SCARA5: variants seen among roughly 807,000 people sequenced by gnomAD.
SCARA5 encodes the protein scavenger receptor class A, member 5 (putative).
In SCARA5, 45 loss-of-function variants were observed where a neutral mutation model predicts 46.3. That is an observed-to-expected ratio of 0.97 (90% CI 0.76 to 1.24). The LOEUF is 1.24. Among genes scored for constraint, SCARA5 ranks in the 50% most tolerant of loss-of-function variants. The pLI is 0.00. For missense variants in SCARA5, 680 were observed against 689.0 expected, an observed-to-expected ratio of 0.99 and a Z score of 0.15; for synonymous variants, 333 against 306.5, an observed-to-expected ratio of 1.09 and a Z score of -0.90.
chr8:27,935,774 C>A (rs1051955263), intron 3 of SCARA5, among the ~76,000 whole-genome samples: 1 of 152,042 alleles, frequency 6.6e-6, no homozygotes, highest in Non-Finnish European at 1.5e-5. Context: ...AGGGGGAGAG[C>A]AGGGTAAGTG....
chr8:27,942,903 G>T (rs1180875413), intron 3 of SCARA5, among the ~76,000 whole-genome samples: 1 of 152,172 alleles, frequency 6.6e-6, no homozygotes, highest in East Asian at 1.9e-4. Flanking sequence ...CATCTCCTCT[G>T]CATCATTTAG....
At chr8:27,907,378 T>C in intron 5 of SCARA5, 132 bp from the exon 6 acceptor site, 1 of 590,306 alleles carries the variant, frequency 1.7e-6, no homozygotes, top group Non-Finnish European at 2.9e-6. Context: ...CTTTTTTCTG[T>C]TAATCTAAAG....
At chr8:27,882,815 A>G (rs1273131336) in intron 7 of SCARA5, among the ~76,000 whole-genome samples, 8 of 152,246 alleles carry the variant, frequency 5.3e-5, no homozygotes, top group Non-Finnish European at 1.2e-4. Context: ...TTTCACAGAC[A>G]TATAAATGTG....
At position 27,943,657 on chromosome 8, in the gene SCARA5, C is replaced by T. The variant is rs73668282; in HGVS notation, c.242-21412G>A. On this transcript the variant is annotated intron_variant, in intron 3 of 8. Transcript: ENST00000354914. ...CATTGACTACGGAGTTAGGAAAAGA[C>T]GCACGTAATCAGAGCTGACCAGCAC... Among the ~76,000 whole-genome samples the T allele has an allele frequency of 5.1e-3, 784 of 152,264 alleles. 8 individuals are homozygous for T. Among genetic ancestry groups the T allele is most frequent in the African/African-American group, 0.018 (751 of 41,556 alleles).
intron 3 of SCARA5, among the ~76,000 whole-genome samples, chr8:27,938,352 T>TA: frequency 6.8e-5 from 1 of 14,680 alleles, no homozygotes; most frequent in Middle Eastern, 0.12. Context: ...ATTGTAACTA[T>TA]AATAAAAAAA....
intron 3 of SCARA5, among the ~76,000 whole-genome samples, chr8:27,922,944 C>G (rs1040115496): frequency 6.6e-6 from 1 of 152,234 alleles, no homozygotes; most frequent in Admixed American, 6.5e-5. Flanking sequence ...CCTCACCAGA[C>G]ATGAATCTGC....
intron 1 of SCARA5, among the ~76,000 whole-genome samples, chr8:27,988,004 G>A (rs1808730596): frequency 6.6e-6 from 1 of 152,204 alleles, no homozygotes; most frequent in Non-Finnish European, 1.5e-5. Flanking sequence ...GGTAACCTGA[G>A]AGCAGGCTCT....
chr8:27,871,414 CAAAT>C lies in SCARA5; in HGVS notation c.*516_*519del. 2 of 987,668 alleles carry C rather than the reference CAAAT, an allele frequency of 2.0e-6. No homozygotes were observed. Among genetic ancestry groups the C allele is most frequent in the Non-Finnish European group, 2.4e-6 (2 of 831,290 alleles). 61.2% of individuals were successfully genotyped at this position (987,668 alleles called of 1,614,324 possible). On this transcript the variant is annotated 3_prime_UTR_variant, in exon 9 of 9. Transcript: ENST00000354914. Reference sequence around the variant, plus strand: ...CCTCTATGTCACTTCCTCAAACTAGCAAATGGGGAGCAGAGGCAGAGTAAAGGGG... The same window carrying C: ...CCTCTATGTCACTTCCTCAAACTAGCGGGGAGCAGAGGCAGAGTAAAGGGG...
chr8:27,970,492 G>C (rs555066832), intron 2 of SCARA5, among the ~76,000 whole-genome samples: 1 of 152,106 alleles, frequency 6.6e-6, no homozygotes, highest in African/African-American at 2.4e-5. Flanking sequence ...CCCAGAAGTT[G>C]CCACCCTTTT....
At chr8:27,956,344 G>A (rs1808207602) in intron 3 of SCARA5, among the ~76,000 whole-genome samples, 1 of 152,148 alleles carries the variant, frequency 6.6e-6, no homozygotes, top group Non-Finnish European at 1.5e-5. Context: ...CAAGGCCTGA[G>A]ATTTACAAGT....
At chr8:27,906,507 G>C (rs1159325047) in intron 6 of SCARA5, among the ~76,000 whole-genome samples, 2 of 152,236 alleles carry the variant, frequency 1.3e-5, no homozygotes, top group Non-Finnish European at 2.9e-5. Flanking sequence ...GAGGAGGGCT[G>C]TCCTGGGCCT....
At chr8:27,907,606 G>A (rs950545759) in intron 5 of SCARA5, among the ~76,000 whole-genome samples, 26 of 100,422 alleles carry the variant, frequency 2.6e-4, no homozygotes, top group African/African-American at 9.7e-4. Flanking sequence ...ACAAAGTCTC[G>A]CTCTGTCACC....
chr8:27,946,782 G>A (rs1808044055), intron 3 of SCARA5, among the ~76,000 whole-genome samples: 3 of 152,202 alleles, frequency 2.0e-5, no homozygotes, highest in South Asian at 2.1e-4. Context: ...ATCCCAGTGA[G>A]TGGAATGCCC....
intron 7 of SCARA5, among the ~76,000 whole-genome samples, chr8:27,881,050 T>A (rs1444493037): frequency 6.6e-6 from 1 of 152,086 alleles, no homozygotes; most frequent in East Asian, 1.9e-4. Flanking sequence ...AAACAACAGA[T>A]GCTGATAAGC....
intron 7 of SCARA5, among the ~76,000 whole-genome samples, chr8:27,884,499 G>A (rs1806862506): frequency 6.6e-6 from 1 of 152,266 alleles, no homozygotes; most frequent in Non-Finnish European, 1.5e-5. Context: ...TGCACCAGGA[G>A]GCCTGCAACA....
At position 27,884,223 on chromosome 8, in the gene SCARA5, G is replaced by A. The variant is rs535942794; in HGVS notation, c.1154-4457C>T. On this transcript the variant is annotated intron_variant, in intron 7 of 8. Transcript: ENST00000354914. The stretch of plus-strand genomic sequence containing the variant: ...GGTGACCGTTCTCCCCACACAGACT[G>A]CAAATACAAACTCATTCAGGCTGTC... 3.9e-5 allele frequency among the ~76,000 whole-genome samples: 6 copies of A among 152,326 alleles called. No homozygotes were observed. The East Asian group carries it at 1.2e-3, about 29-fold the overall frequency.
At chr8:27,933,305 T>C (rs1807806245) in intron 3 of SCARA5, among the ~76,000 whole-genome samples, 1 of 151,838 alleles carries the variant, frequency 6.6e-6, no homozygotes, top group Admixed American at 6.6e-5. Flanking sequence ...GTGAACCACC[T>C]AAGGTCAGGA....
In SCARA5 at chr8:27,983,325, T is replaced by C. The variant is rs140715617; in HGVS notation, c.112+4179A>G. 1.2e-3 allele frequency among the ~76,000 whole-genome samples: 188 copies of C among 152,358 alleles called. 1 individual carries two copies. The highest frequency in any genetic ancestry group is 4.4e-3 in the African/African-American group (185 of 41,580). On this transcript the variant is annotated intron_variant, in intron 2 of 8. Coordinates refer to ENST00000354914, the MANE Select transcript of SCARA5 (RefSeq NM_173833.6). ...GGGGCACTCACGCTTGCTGGCTGGGTGAGTGTCTGTTGGGGGTGCCAGCAG... is the reference window on the plus strand; with the variant it reads ...GGGGCACTCACGCTTGCTGGCTGGGCGAGTGTCTGTTGGGGGTGCCAGCAG...
intron 2 of SCARA5, among the ~76,000 whole-genome samples, chr8:27,982,117 G>C (rs1018188566): frequency 6.6e-5 from 10 of 152,192 alleles, no homozygotes; most frequent in Non-Finnish European, 1.5e-5. Flanking sequence ...CCAGGAGCAT[G>C]TGTAACTCAT....
Sources: gnomAD v4.1 joint callset for allele counts (sites outside exome capture counted in the v4.1 genomes callset) on GRCh38, gnomAD v4.1.1 for gene constraint, MANE v1.5 for transcripts, NCBI Gene and HGNC (gene_info 2026-07-23, HGNC 2026-07-21) for gene names.